The following PLCZ1 variants were observed in gnomAD, a reference collection of about 807,000 sequenced individuals.
PLCZ1 encodes the protein phospholipase C zeta 1.
A neutral mutation model predicts 76.8 loss-of-function variants in PLCZ1; 64 were observed. The ratio of observed to expected loss-of-function variants is 0.83; its 90% CI spans 0.68 to 1.03. The LOEUF (loss-of-function observed/expected upper bound fraction) is 1.03. PLCZ1 is among the 50% of genes least tolerant of loss of function. The pLI, the probability that PLCZ1 is intolerant of heterozygous loss-of-function variation, is 0.00. For missense variants in PLCZ1, 751 were observed against 713.7 expected, an observed-to-expected ratio of 1.05 and a Z score of -0.60; for synonymous variants, 248 against 230.8, an observed-to-expected ratio of 1.07 and a Z score of -0.68.
At position 18,704,947 on chromosome 12, in the gene PLCZ1, T is replaced by C. The variant is rs968234992; in HGVS notation, c.864+219A>G. Among the ~76,000 whole-genome samples, 12 of 152,158 alleles carry C rather than the reference T, an allele frequency of 7.9e-5. No individual in the cohort carries two copies. The East Asian group carries it at 9.7e-4, about 12-fold the overall frequency. On this transcript the variant is annotated intron_variant, in intron 7 of 14. Coordinates refer to ENST00000266505, the MANE Select transcript of PLCZ1 (RefSeq NM_033123.4). ...CATGGGGTAGGAGACACAATCAAAA[T>C]GTGGGTTGTATGTATATATATATAA... is the stretch of plus-strand genomic sequence containing the variant.
chr12:18,712,053 T>C (rs1957406994), intron 6 of PLCZ1, among the ~76,000 whole-genome samples: 1 of 152,184 alleles, frequency 6.6e-6, no homozygotes. Flanking sequence ...AGGAGAACTT[T>C]ATTACATTTG....
chr12:18,736,816 G>A (rs979716492), intron 2 of PLCZ1: 2 of 548,958 alleles, frequency 3.6e-6, no homozygotes, highest in East Asian at 6.8e-5. Context: ...GCTACTTAGT[G>A]TTCAATAAAT....
At chr12:18,680,727 G>A (rs535304), downstream of PLCZ1, among the ~76,000 whole-genome samples, 1 of 151,940 alleles carries the variant, frequency 6.6e-6, no homozygotes, top group Non-Finnish European at 1.5e-5. Context: ...TACAAAAGGA[G>A]ACACAACATG....
chr12:18,703,861 G>T (rs1357834185), intron 7 of PLCZ1, among the ~76,000 whole-genome samples: 1 of 151,624 alleles, frequency 6.6e-6, no homozygotes, highest in Non-Finnish European at 1.5e-5. Flanking sequence ...ATTTTAAGTT[G>T]GCAAAAAAAA....
At chr12:18,654,930 A>G in the PLCZ1 span, among the ~76,000 whole-genome samples, 1 of 152,066 alleles carries the variant, frequency 6.6e-6, no homozygotes, top group Non-Finnish European at 1.5e-5. Flanking sequence ...GAAAAAAGAC[A>G]CTTAGTTCTG....
the PLCZ1 span, among the ~76,000 whole-genome samples, chr12:18,668,191 A>G: frequency 1.6e-4 from 24 of 152,220 alleles, no homozygotes; most frequent in Non-Finnish European, 2.9e-4. Flanking sequence ...AAGTCCAGTC[A>G]TACTTTCAAT....
chr12:18,719,109 T>A (rs569859940), intron 5 of PLCZ1, among the ~76,000 whole-genome samples: 1 of 152,286 alleles, frequency 6.6e-6, no homozygotes, highest in Non-Finnish European at 1.5e-5. Context: ...ACTAGCTAAA[T>A]AAGAGTCTTC....
At chr12:18,688,307 G>T (rs1953491810) in intron 12 of PLCZ1, 89 bp from the exon 13 acceptor site, 2 of 1,363,488 alleles carry the variant, frequency 1.5e-6, no homozygotes, top group African/African-American at 1.5e-5. Flanking sequence ...ATTACAAAAA[G>T]TTGATGGACT....
intron 7 of PLCZ1, 63 bp downstream of exon 7, chr12:18,705,103 A>G (rs1013112547): frequency 5.7e-6 from 9 of 1,579,338 alleles, no homozygotes; most frequent in African/African-American, 4.0e-5. Flanking sequence ...ACAGGCCAAT[A>G]TAACAGTGAC....
chr12:18,704,165 C>T lies in PLCZ1; in HGVS notation c.864+1001G>A, dbSNP rs575248687. On this transcript the variant is annotated intron_variant, in intron 7 of 14. Transcript: ENST00000266505. Reference sequence around the variant, plus strand: ...GTATTGAATGTTAATGAGAGGACAACCAGATGAAGACTAAAAGAGGTTCAT... The same window carrying T: ...GTATTGAATGTTAATGAGAGGACAATCAGATGAAGACTAAAAGAGGTTCAT... 4.6e-5 allele frequency among the ~76,000 whole-genome samples: 7 copies of T among 152,022 alleles called. 1 individual carries two copies. The South Asian group carries it at 1.2e-3, about 27-fold the overall frequency.
At chr12:18,668,320 G>C in the PLCZ1 span, among the ~76,000 whole-genome samples, 396 of 152,316 alleles carry the variant, frequency 2.6e-3, 1 homozygote, top group Non-Finnish European at 4.5e-3. Context: ...TGGAAAGTCA[G>C]AGAAACTAAG....
At chr12:18,653,693 G>T in the PLCZ1 span, among the ~76,000 whole-genome samples, 1 of 152,214 alleles carries the variant, frequency 6.6e-6, no homozygotes, top group South Asian at 2.1e-4. Flanking sequence ...CAACCACATG[G>T]TGTTAAGTAG....
chr12:18,695,900 T>C (rs1013105935), intron 11 of PLCZ1, among the ~76,000 whole-genome samples: 13 of 151,970 alleles, frequency 8.6e-5, no homozygotes, highest in African/African-American at 2.2e-4. Context: ...CCACTACACA[T>C]GTCTCATATT....
At position 18,699,927 on chromosome 12, in the gene PLCZ1, C is replaced by G; in HGVS notation, c.1041G>C (p.Leu347=). Reference sequence around the variant, plus strand: ...TATAAATGACAAGATCAGATAAGGCCAGAGCAATTTTTAGCTTCCTGGTCT... The same window carrying G: ...TATAAATGACAAGATCAGATAAGGCGAGAGCAATTTTTAGCTTCCTGGTCT... ...KKKTRKLKIA[L]ALSDLVIYTK... is the part of the protein sequence containing the mutation. Residue 347 remains leucine, a synonymous_variant, in exon 10 of 15, where the codon CTG becomes CTC. Coordinates refer to ENST00000266505, the MANE Select transcript of PLCZ1 (RefSeq NM_033123.4). The G allele has an allele frequency of 6.2e-7, 1 of 1,611,224 alleles. No homozygotes were observed. Among genetic ancestry groups the G allele is most frequent in the Non-Finnish European group, 8.5e-7 (1 of 1,178,958 alleles).
At position 18,688,266 on chromosome 12, in the gene PLCZ1, C is replaced by T. The variant is rs376486398; in HGVS notation, c.1462-48G>A. The T allele has an allele frequency of 4.8e-5, 74 of 1,544,806 alleles. No homozygotes were observed. The Middle Eastern group carries it at 9.2e-4, about 19-fold the overall frequency. On this transcript the variant is annotated intron_variant, in intron 12 of 14. Coordinates refer to ENST00000266505, the MANE Select transcript of PLCZ1 (RefSeq NM_033123.4). ...AAGAATTTAGCAAGATATTAAGTTA[C>T]ATCACCATTTATTTCAAAATTAAGT... is the stretch of plus-strand genomic sequence containing the variant.
the PLCZ1 span, among the ~76,000 whole-genome samples, chr12:18,650,359 G>A: frequency 0.098 from 13,894 of 141,796 alleles, 889 homozygotes; most frequent in African/African-American, 0.15. Context: ...GTGTGTGTGT[G>A]TGTGTGTGTG....
chr12:18,730,894 AAG>A (rs1959010195), intron 3 of PLCZ1: 1 of 152,166 alleles, frequency 6.6e-6, no homozygotes, highest in Non-Finnish European at 1.5e-5. Context: ...CTCCCTTTGG[AAG>A]ATACTACCGG....
chr12:18,688,178 G>C lies in PLCZ1; in HGVS notation c.1502C>G (p.Ser501Cys). 2 of 1,610,882 alleles carry C rather than the reference G, an allele frequency of 1.2e-6. No homozygotes were observed. Among genetic ancestry groups the C allele is most frequent in the African/African-American group, 1.3e-5 (1 of 74,892 alleles). ...AATTACTAATGAATCACCTTTGTTA[G>C]ATGATGAATGAGTAAGAGGCAACTG... Reference protein sequence around the residue: ...GIQLPLTHSSSNKGDSLVIIE... With the variant: ...GIQLPLTHSSCNKGDSLVIIE... Residue 501 changes from serine to cysteine, a missense_variant, in exon 13 of 15, where the codon TCT becomes TGT. Ser to Cys is a moderately radical substitution (Grantham distance 112, BLOSUM62 -1). Transcript: ENST00000266505.
At chr12:18,684,487 A>G (rs1952796405) in intron 13 of PLCZ1, among the ~76,000 whole-genome samples, 1 of 152,022 alleles carries the variant, frequency 6.6e-6, no homozygotes, top group African/African-American at 2.4e-5. Flanking sequence ...ATGTTCTAAG[A>G]ATGGATCAAC....
Sources: allele counts gnomAD v4.1 joint callset (sites outside exome capture counted in the v4.1 genomes callset), GRCh38; gene constraint gnomAD v4.1.1; transcripts MANE v1.5; gene names NCBI Gene and HGNC (gene_info 2026-07-23, HGNC 2026-07-21).